The following SH3BP5 variants were observed in gnomAD, a reference collection of about 807,000 sequenced individuals.
The protein encoded by SH3BP5 is SH3 domain binding protein 5, also known as SH3 domain-binding protein 5.
Under a neutral mutation model 43.3 loss-of-function variants are expected in SH3BP5, and 22 were observed. The observed-to-expected ratio is 0.51, with a 90% CI of 0.36 to 0.73. The LOEUF (loss-of-function observed/expected upper bound fraction) is 0.73, where lower values mean the gene tolerates loss of function less well. Ranked by LOEUF, SH3BP5 falls within the 30% of genes least tolerant of loss-of-function variation. The pLI is 0.00. For synonymous variants in SH3BP5, 255 were observed against 225.8 expected, an observed-to-expected ratio of 1.13 and a Z score of -1.16; for missense variants, 529 against 586.9, an observed-to-expected ratio of 0.90 and a Z score of 1.02.
At chr3:15,257,941 T>C (rs1489727519) in intron 7 of SH3BP5, among the ~76,000 whole-genome samples, 2 of 152,212 alleles carry the variant, frequency 1.3e-5, no homozygotes, top group Non-Finnish European at 2.9e-5. Context: ...CAGACCTGAA[T>C]TGAATCCCTA....
intron 4 of SH3BP5, among the ~76,000 whole-genome samples, chr3:15,267,587 A>G (rs1696680057): frequency 6.6e-6 from 1 of 152,230 alleles, no homozygotes; most frequent in Non-Finnish European, 1.5e-5. Flanking sequence ...CAGTGGCCAC[A>G]GAGAAGGCAC....
At chr3:15,310,005 G>T (rs1698012670) in intron 2 of SH3BP5, among the ~76,000 whole-genome samples, 1 of 151,478 alleles carries the variant, frequency 6.6e-6, no homozygotes, top group Non-Finnish European at 1.5e-5. Flanking sequence ...GGTATGAGAG[G>T]CCACAAACCA....
chr3:15,256,567 C>T, intron 8 of SH3BP5: 1 of 592,978 alleles, frequency 1.7e-6, no homozygotes. Flanking sequence ...GCCATATTCA[C>T]TTTATTGCTG....
intron 2 of SH3BP5, among the ~76,000 whole-genome samples, chr3:15,320,321 A>G (rs1559457427): frequency 6.6e-6 from 1 of 152,320 alleles, no homozygotes; most frequent in East Asian, 1.9e-4. Flanking sequence ...AGCAAAACAC[A>G]GCAAAGGAAA....
At chr3:15,313,208 C>A (rs4685247) in intron 2 of SH3BP5, among the ~76,000 whole-genome samples, 1 of 152,190 alleles carries the variant, frequency 6.6e-6, no homozygotes, top group Non-Finnish European at 1.5e-5. Context: ...TTGCATAAGC[C>A]GAGATCATGC....
intron 2 of SH3BP5, 128 bp downstream of exon 2, chr3:15,330,376 A>C (rs1698579304): frequency 1.3e-6 from 1 of 748,802 alleles, no homozygotes; most frequent in Middle Eastern, 2.3e-4. Flanking sequence ...TCTGTCAGGG[A>C]GCTGTTGCTC....
chr3:15,322,929 G>A (rs1238910558), intron 2 of SH3BP5, among the ~76,000 whole-genome samples: 1 of 151,824 alleles, frequency 6.6e-6, no homozygotes, highest in South Asian at 2.1e-4. Flanking sequence ...ATCATTTGAG[G>A]TCAGGAGTTG....
chr3:15,258,956 T>G lies in SH3BP5; in HGVS notation c.764A>C (p.Asp255Ala). 1.2e-6 allele frequency: 2 copies of G among 1,614,064 alleles called. No homozygotes were observed. Among genetic ancestry groups the G allele is most frequent in the Non-Finnish European group, 1.7e-6 (2 of 1,179,908 alleles). ...MALKNLEMIS[D>A]EIHERRRSSA... ...GGAGCGCCGCCGCTCGTGGATCTCATCTGAGATCATCTCCAGGTTCTTCAG... is the reference window on the plus strand; with the variant it reads ...GGAGCGCCGCCGCTCGTGGATCTCAGCTGAGATCATCTCCAGGTTCTTCAG... The change falls in exon 7 of 9, where the codon GAT becomes GCT. Residue 255 changes from aspartate (D) to alanine (A), a missense_variant. Around this residue, in one of 3 missense-constraint regions of SH3BP5, gnomAD observed 369 missense variants for 384.3 expected, o/e 0.96. Transcript: ENST00000383791.
chr3:15,291,469 G>T (rs1469032150), intron 3 of SH3BP5, among the ~76,000 whole-genome samples: 1 of 151,882 alleles, frequency 6.6e-6, no homozygotes, highest in South Asian at 2.1e-4. Context: ...TTTAGCTTAT[G>T]TACCAAATAT....
intron 2 of SH3BP5, among the ~76,000 whole-genome samples, chr3:15,326,474 C>T (rs376087566): frequency 7.2e-5 from 11 of 152,182 alleles, no homozygotes; most frequent in African/African-American, 2.4e-4. Flanking sequence ...CGCCCCAGAT[C>T]GCAATCAAAA....
chr3:15,304,092 G>T lies in SH3BP5; in HGVS notation c.330+11C>A. ...CTCGAGGTAGGGGAGACATCTATGG[G>T]GCTATCTTACCTGCCTCGCCACCCT... On this transcript the variant is annotated intron_variant, in intron 3 of 8. Coordinates refer to ENST00000383791, the MANE Select transcript of SH3BP5 (RefSeq NM_004844.5). 1.2e-6 allele frequency: 2 copies of T among 1,611,538 alleles called. No homozygotes were observed. Among genetic ancestry groups the T allele is most frequent in the Non-Finnish European group, 1.7e-6 (2 of 1,178,016 alleles).
chr3:15,277,166 C>T (rs1026033659), intron 3 of SH3BP5, among the ~76,000 whole-genome samples: 13 of 152,124 alleles, frequency 8.5e-5, no homozygotes, highest in Admixed American at 2.6e-4. Context: ...GTAGATACAA[C>T]GGGGTTTCAC....
rs1293991563 is a variant in SH3BP5 at position 15,255,244 on chromosome 3, A to AAGTT, written c.*838_*841dup. The AAGTT allele has an allele frequency of 4.6e-5, 7 of 152,650 alleles. No individual in the cohort carries two copies. The highest frequency in any genetic ancestry group is 3.8e-4 in the East Asian group (2 of 5,200). The allele number at this position is 152,650 out of a possible 1,614,324, so 9.5% of individuals were successfully genotyped here. A position where few individuals can be genotyped will look rare whatever the true frequency, so the allele number is the denominator to read the frequency against. ...CCTTAAATAATTTCATTTATTTTTA[A>AAGTT]AGTTACAACCTACAGAGAAATTAAC... On this transcript the variant is annotated 3_prime_UTR_variant, in exon 9 of 9. Coordinates refer to ENST00000383791, the MANE Select transcript of SH3BP5 (RefSeq NM_004844.5).
In SH3BP5 at chr3:15,257,022, T is replaced by G; in HGVS notation, c.981A>C (p.Gly327=). ...ETQSVSSFSS[G]PTSPSEMPDQ... is the part of the protein sequence containing the mutation. ...CAGGCATCTCAGACGGGCTTGTTGGTCCTGAACTAAAGCTGGACACGGACT... is the reference window on the plus strand; with the variant it reads ...CAGGCATCTCAGACGGGCTTGTTGGGCCTGAACTAAAGCTGGACACGGACT... Residue 327 remains glycine, a synonymous_variant, in exon 8 of 9, where the codon GGA becomes GGC. Transcript: ENST00000383791. 6.2e-7 allele frequency: 1 copy of G among 1,614,122 alleles called. No homozygotes were observed. Among genetic ancestry groups the G allele is most frequent in the Non-Finnish European group, 8.5e-7 (1 of 1,180,014 alleles).
chr3:15,265,561 A>ACACACACAC (rs1553613901), intron 4 of SH3BP5, among the ~76,000 whole-genome samples: 30 of 44,500 alleles, frequency 6.7e-4, no homozygotes, highest in African/African-American at 2.3e-3. Flanking sequence ...CACACACACA[A>ACACACACAC]CCCTCCAGCT....
rs551748335 is a variant in SH3BP5 at position 15,295,229 on chromosome 3, C to T, written c.330+8874G>A. The stretch of plus-strand genomic sequence containing the variant: ...GTCAGTCCTCATTATTCACAGCTTC[C>T]GTATTTGTGAATTTGCCTACTTACT... On this transcript the variant is annotated intron_variant, in intron 3 of 8. Coordinates refer to ENST00000383791, the MANE Select transcript of SH3BP5 (RefSeq NM_004844.5). Among the ~76,000 whole-genome samples, 4 of 152,290 alleles carry T rather than the reference C, an allele frequency of 2.6e-5. No homozygotes were observed. The East Asian group carries it at 5.8e-4, about 22-fold the overall frequency.
chr3:15,321,584 T>C (rs1698326802), intron 2 of SH3BP5, among the ~76,000 whole-genome samples: 2 of 151,968 alleles, frequency 1.3e-5, no homozygotes, highest in Admixed American at 6.6e-5. Context: ...AGATGGTCAT[T>C]GTAAATATTT....
chr3:15,281,600 C>T (rs144147493), intron 3 of SH3BP5, among the ~76,000 whole-genome samples: 1 of 152,288 alleles, frequency 6.6e-6, no homozygotes, highest in Non-Finnish European at 1.5e-5. Context: ...GCGAGCATAA[C>T]ACCCACTCCT....
intron 3 of SH3BP5, among the ~76,000 whole-genome samples, chr3:15,294,421 C>T (rs1338280319): frequency 6.6e-6 from 1 of 151,824 alleles, no homozygotes; most frequent in Non-Finnish European, 1.5e-5. Context: ...ACTCTTCTTC[C>T]TCCTCCCTTC....
Sources: gnomAD v4.1 joint callset for allele counts (sites outside exome capture counted in the v4.1 genomes callset) on GRCh38, gnomAD v4.1.1 for gene constraint, gnomAD v4.1.1 regional missense constraint, MANE v1.5 for transcripts, NCBI Gene and HGNC (gene_info 2026-07-23, HGNC 2026-07-21) for gene names.